CRPPA: variants seen among roughly 807,000 people sequenced by gnomAD.
The protein encoded by CRPPA is CDP-L-ribitol pyrophosphorylase A.
In CRPPA, 43 loss-of-function variants were observed where a neutral mutation model predicts 52.0. The ratio of observed to expected loss-of-function variants is 0.83; its 90% CI spans 0.65 to 1.07. The LOEUF (loss-of-function observed/expected upper bound fraction) is 1.07. Among genes scored for constraint, CRPPA ranks in the 50% least tolerant of loss-of-function variants. The probability of loss-of-function intolerance (pLI) is 0.00; values close to 1 mark genes in which losing one functional copy is unlikely to be tolerated. For missense variants in CRPPA, 629 were observed against 551.7 expected (o/e 1.14, Z -1.40); for synonymous variants, 250 against 203.5 (o/e 1.23, Z -1.94).
At chr7:16,397,544 T>A (rs1404851530) in intron 2 of CRPPA, among the ~76,000 whole-genome samples, 1 of 152,178 alleles carries the variant, frequency 6.6e-6, no homozygotes, top group African/African-American at 2.4e-5. Context: ...AACATGTGAT[T>A]GACGAAATGT....
chr7:16,203,825 T>C (rs533120890), intron 9 of CRPPA, among the ~76,000 whole-genome samples: 44 of 152,328 alleles, frequency 2.9e-4, no homozygotes, highest in African/African-American at 9.6e-4. Flanking sequence ...GCCTGGATCC[T>C]CCTCCAGTAA....
In CRPPA at chr7:16,138,086, G is replaced by A. The variant is rs907560464; in HGVS notation, c.1252-46287C>T. Among the ~76,000 whole-genome samples, 71 of 152,104 alleles carry A rather than the reference G, an allele frequency of 4.7e-4. 1 individual carries two copies. The highest frequency in any genetic ancestry group is 1.9e-3 in the Admixed American group (29 of 15,280). Reference sequence around the variant, plus strand: ...AAACCAGCATGCTGTGAAAGTCAGCGAAGTTAAAAGATCATAAACTATGTC... The same window carrying A: ...AAACCAGCATGCTGTGAAAGTCAGCAAAGTTAAAAGATCATAAACTATGTC... On this transcript the variant is annotated intron_variant, in intron 9 of 9. Coordinates refer to ENST00000407010, the MANE Select transcript of CRPPA (RefSeq NM_001101426.4).
intron 8 of CRPPA, among the ~76,000 whole-genome samples, chr7:16,227,878 C>A (rs543221200): frequency 5.3e-5 from 8 of 151,942 alleles, no homozygotes; most frequent in African/African-American, 1.7e-4. Flanking sequence ...AGATTCTAAT[C>A]TTACATTTAA....
intron 9 of CRPPA, among the ~76,000 whole-genome samples, chr7:16,192,013 G>C (rs1050083397): frequency 1.3e-5 from 2 of 152,032 alleles, no homozygotes; most frequent in Admixed American, 1.3e-4. Flanking sequence ...TTTAATCTTT[G>C]ACAAATCATT....
At chr7:16,320,395 T>C (rs1316150711) in intron 3 of CRPPA, among the ~76,000 whole-genome samples, 3 of 152,096 alleles carry the variant, frequency 2.0e-5, no homozygotes, top group Non-Finnish European at 4.4e-5. Flanking sequence ...GTATATATAA[T>C]GCAATTATTT....
intron 5 of CRPPA, 47 bp from the exon 6 acceptor site, chr7:16,278,273 C>T (rs1422463049): frequency 1.1e-6 from 1 of 934,142 alleles, no homozygotes; most frequent in Non-Finnish European, 1.6e-6. Context: ...AAACATGTAA[C>T]AAGGCCCTAG....
rs1439188800 is a variant in CRPPA, at chr7:16,087,852, T to G, written c.*3843A>C. The stretch of plus-strand genomic sequence containing the variant: ...CATTTTAATTAAGATGTTAGATTTA[T>G]GCCTCTGTGAATTTGTAGTTTCAAC... On this transcript the variant is annotated 3_prime_UTR_variant, in exon 10 of 10. Transcript: ENST00000407010. The G allele has an allele frequency of 6.6e-6, 1 of 152,202 alleles. No individual in the cohort carries two copies. The highest frequency in any genetic ancestry group is 1.5e-5 in the Non-Finnish European group (1 of 68,006). 9.4% of individuals were successfully genotyped at this position (152,202 alleles called of 1,614,324 possible).
intron 9 of CRPPA, among the ~76,000 whole-genome samples, chr7:16,210,904 T>A (rs1192827477): frequency 6.6e-6 from 1 of 151,256 alleles, no homozygotes; most frequent in Non-Finnish European, 1.5e-5. Context: ...TAAAACCTAC[T>A]GTTCAATACA....
intron 1 of CRPPA, among the ~76,000 whole-genome samples, chr7:16,417,494 A>G (rs1019334043): frequency 6.6e-6 from 1 of 152,238 alleles, no homozygotes; most frequent in Non-Finnish European, 1.5e-5. Flanking sequence ...TTGCAGCAAC[A>G]TGATTGCAGC....
chr7:16,183,573 C>T (rs1036988710), intron 9 of CRPPA, among the ~76,000 whole-genome samples: 1 of 152,084 alleles, frequency 6.6e-6, no homozygotes, highest in Admixed American at 6.5e-5. Flanking sequence ...AAATCTATGG[C>T]CTTATAACTA....
intron 5 of CRPPA, among the ~76,000 whole-genome samples, chr7:16,289,529 G>A (rs1488780788): frequency 6.6e-6 from 1 of 152,094 alleles, no homozygotes; most frequent in Admixed American, 6.6e-5. Context: ...TTCAACATAT[G>A]CAAATCCATA....
chr7:16,290,380 T>G (rs1296720457), intron 5 of CRPPA, among the ~76,000 whole-genome samples: 2 of 151,680 alleles, frequency 1.3e-5, no homozygotes, highest in Non-Finnish European at 2.9e-5. Flanking sequence ...GCTAGATGCA[T>G]CATACTAACC....
intron 1 of CRPPA, among the ~76,000 whole-genome samples, chr7:16,418,794 T>C (rs1033600741): frequency 2.6e-5 from 4 of 152,142 alleles, no homozygotes; most frequent in Non-Finnish European, 5.9e-5. Context: ...AAATTCAAGA[T>C]GAGATTTTTG....
At chr7:16,414,350 A>ACAC (rs1788139785) in intron 1 of CRPPA, among the ~76,000 whole-genome samples, 1 of 138,658 alleles carries the variant, frequency 7.2e-6, no homozygotes, top group Non-Finnish European at 1.6e-5. Context: ...CCCCTACCCC[A>ACAC]ACACACACAC....
intron 6 of CRPPA, among the ~76,000 whole-genome samples, chr7:16,263,611 G>A (rs550626563): frequency 6.6e-6 from 1 of 152,084 alleles, no homozygotes; most frequent in Non-Finnish European, 1.5e-5. Flanking sequence ...ATATTAGCTG[G>A]GCATGGTGGT....
chr7:16,280,659 T>C (rs1164824151), intron 5 of CRPPA, among the ~76,000 whole-genome samples: 1 of 152,174 alleles, frequency 6.6e-6, no homozygotes, highest in Non-Finnish European at 1.5e-5. Flanking sequence ...CCAACATGTG[T>C]ACAGTAATAA....
intron 3 of CRPPA, among the ~76,000 whole-genome samples, chr7:16,319,323 G>A (rs1785208448): frequency 6.6e-6 from 1 of 152,078 alleles, no homozygotes; most frequent in Admixed American, 6.6e-5. Context: ...CACCCTTGAA[G>A]TCCTCTGATC....
At chr7:16,183,167 T>C (rs748561027) in intron 9 of CRPPA, among the ~76,000 whole-genome samples, 4 of 151,796 alleles carry the variant, frequency 2.6e-5, no homozygotes, top group African/African-American at 4.8e-5. Context: ...AAAAACAAAA[T>C]AGGAATAATG....
intron 9 of CRPPA, among the ~76,000 whole-genome samples, chr7:16,147,833 C>A (rs761275547): frequency 6.6e-6 from 1 of 152,138 alleles, no homozygotes; most frequent in Non-Finnish European, 1.5e-5. Context: ...TGATATTCAT[C>A]CATATTTTAT....
Sources: allele counts gnomAD v4.1 joint callset (sites outside exome capture counted in the v4.1 genomes callset), GRCh38; gene constraint gnomAD v4.1.1; transcripts MANE v1.5; gene names NCBI Gene and HGNC (gene_info 2026-07-23, HGNC 2026-07-21).